PXDN: variants seen among roughly 807,000 people sequenced by gnomAD.
PXDN encodes peroxidasin, also known as peroxidasin homolog.
A neutral mutation model predicts 140.3 loss-of-function variants in PXDN; 77 were observed. The observed-to-expected ratio is 0.55, with a 90% CI of 0.46 to 0.66. PXDN has a LOEUF of 0.66. Among genes scored for constraint, PXDN ranks in the 30% least tolerant of loss-of-function variants. The probability of loss-of-function intolerance (pLI) is 0.00; values close to 1 mark genes in which losing one functional copy is unlikely to be tolerated. For synonymous variants in PXDN, 911 were observed against 857.4 expected, an observed-to-expected ratio of 1.06 and a Z score of -1.09; for missense variants, 1,838 against 2,039.5, an observed-to-expected ratio of 0.90 and a Z score of 1.90.
intron 17 of PXDN, among the ~76,000 whole-genome samples, chr2:1,646,572 C>T (rs1334258300): frequency 6.6e-6 from 1 of 152,172 alleles, no homozygotes; most frequent in Non-Finnish European, 1.5e-5. Flanking sequence ...AATACTGGAA[C>T]ATATTAAATT....
At chr2:1,652,770 C>T (rs2125414421) in intron 16 of PXDN, among the ~76,000 whole-genome samples, 1 of 152,330 alleles carries the variant, frequency 6.6e-6, no homozygotes, top group Middle Eastern at 3.4e-3. Flanking sequence ...TATCACCCTA[C>T]AGGTCTCAAT....
chr2:1,737,683 C>A (rs765617276), intron 1 of PXDN, among the ~76,000 whole-genome samples: 2 of 151,880 alleles, frequency 1.3e-5, no homozygotes, highest in African/African-American at 2.4e-5. Context: ...GAACTACAGG[C>A]GTGAGCCACC....
chr2:1,657,443 G>C (rs1011622237), intron 14 of PXDN, among the ~76,000 whole-genome samples: 1 of 151,156 alleles, frequency 6.6e-6, no homozygotes. Context: ...GCCGCCTCCT[G>C]TCAGGGACCT....
chr2:1,678,399 AC>A (rs1321548289), intron 7 of PXDN, among the ~76,000 whole-genome samples: 1 of 152,200 alleles, frequency 6.6e-6, no homozygotes, highest in Non-Finnish European at 1.5e-5. Context: ...ACACCCTAAA[AC>A]CCACCTAACT....
chr2:1,734,640 G>A lies in PXDN; in HGVS notation c.200+9616C>T, dbSNP rs529894791. Among the ~76,000 whole-genome samples, 295 of 152,236 alleles carry A rather than the reference G, an allele frequency of 1.9e-3. 1 individual carries two copies. The highest frequency in any genetic ancestry group is 4.4e-3 in the African/African-American group (181 of 41,558). On this transcript the variant is annotated intron_variant, in intron 1 of 22. Transcript: ENST00000252804. ...TCCCAGCACTTTGGGAGGCCAAGGC[G>A]GGCGGATCACGAGGTCAAGAGACTG... is the stretch of plus-strand genomic sequence containing the variant.
intron 8 of PXDN, among the ~76,000 whole-genome samples, chr2:1,674,409 T>C (rs10192984): frequency 0.35 from 53,800 of 152,008 alleles, 10,757 homozygotes; most frequent in African/African-American, 0.54. Context: ...AAGCTGCTGG[T>C]TGGCCTCCCT....
intron 1 of PXDN, among the ~76,000 whole-genome samples, chr2:1,716,149 G>A (rs541656474): frequency 6.6e-6 from 1 of 152,208 alleles, no homozygotes; most frequent in South Asian, 2.1e-4. Flanking sequence ...ATAAAACCAG[G>A]GTGGTGGGCC....
At position 1,649,744 on chromosome 2, in the gene PXDN, G is replaced by A; in HGVS notation, c.2105-69C>T. The A allele has an allele frequency of 3.2e-6, 5 of 1,549,186 alleles. No homozygotes were observed. Among genetic ancestry groups the A allele is most frequent in the Non-Finnish European group, 4.4e-6 (5 of 1,125,442 alleles). On this transcript the variant is annotated intron_variant, in intron 16 of 22. Transcript: ENST00000252804. This position sits in a 1 kb window ranked among gnomAD's most constrained non-coding sequence, Gnocchi z 7.1. ...GATGTGTGAGGGCCCGGTACCCCTT[G>A]GCACCTCTGCCGCTGACATGGGGCT...
At position 1,639,379 on chromosome 2, in the gene PXDN, G is replaced by A; in HGVS notation, c.3996C>T (p.Phe1332=). 6.2e-7 allele frequency: 1 copy of A among 1,614,028 alleles called. No individual in the cohort carries two copies. The highest frequency in any genetic ancestry group is 8.5e-7 in the Non-Finnish European group (1 of 1,179,874). The part of the protein sequence containing the change: ...RGQFNAFSYH[F]RGRRSLEFSY... ...TGAACTCAAGAGACCGTCTGCCTCG[G>A]AAATGATAGGAAAAGGCATTGAACT... Residue 1332 remains phenylalanine, a synonymous_variant, in exon 20 of 23, where the codon TTC becomes TTT. Transcript: ENST00000252804. This position sits in a 1 kb window ranked among gnomAD's most constrained non-coding sequence, Gnocchi z 5.0.
intron 19 of PXDN, among the ~76,000 whole-genome samples, chr2:1,642,524 C>T (rs572913539): frequency 3.3e-5 from 5 of 152,316 alleles, no homozygotes; most frequent in African/African-American, 4.8e-5. Flanking sequence ...TCACGCTCAC[C>T]GCAGGTCCCC....
chr2:1,711,459 T>C (rs1684776043), intron 1 of PXDN, among the ~76,000 whole-genome samples: 2 of 59,892 alleles, frequency 3.3e-5, no homozygotes, highest in African/African-American at 7.4e-5. Flanking sequence ...GCACCCACTC[T>C]CCACCAGCAC....
chr2:1,741,455 C>G (rs1685542927), intron 1 of PXDN, among the ~76,000 whole-genome samples: 1 of 152,136 alleles, frequency 6.6e-6, no homozygotes, highest in Non-Finnish European at 1.5e-5. Context: ...TTCCAGAGCT[C>G]CCTTCACACT....
intron 12 of PXDN, among the ~76,000 whole-genome samples, chr2:1,662,557 G>A (rs565968462): frequency 1.8e-4 from 28 of 152,334 alleles, no homozygotes; most frequent in African/African-American, 6.5e-4. Context: ...GGCCCACAGA[G>A]GATAACAAGC....
In PXDN at chr2:1,648,027, T is replaced by C. The variant is rs988414875; in HGVS notation, c.3608+145A>G. 2 of 1,211,830 alleles carry C rather than the reference T, an allele frequency of 1.7e-6. No homozygotes were observed. The highest frequency in any genetic ancestry group is 2.3e-6 in the Non-Finnish European group (2 of 862,610). 75.1% of individuals were successfully genotyped at this position (1,211,830 alleles called of 1,614,324 possible). A position where few individuals can be genotyped will look rare whatever the true frequency, so the allele number is the denominator to read the frequency against. On this transcript the variant is annotated intron_variant, in intron 17 of 22. Transcript: ENST00000252804. This position sits in a 1 kb window ranked among gnomAD's most constrained non-coding sequence, Gnocchi z 8.9. ...CCACGGGAGGCTGCAGGTTCCCATC[T>C]TGACCTTCATGGACTTGACCTTCAT...
At chr2:1,708,376 CCT>C (rs1346189502) in intron 1 of PXDN, among the ~76,000 whole-genome samples, 5 of 152,316 alleles carry the variant, frequency 3.3e-5, no homozygotes, top group South Asian at 2.1e-4. Flanking sequence ...GGAGTTTGCC[CCT>C]GAGGCCCCCT....
intron 13 of PXDN, 40 bp from the exon 14 acceptor site, chr2:1,661,077 C>G (rs1310403204): frequency 6.2e-7 from 1 of 1,610,180 alleles, no homozygotes; most frequent in Non-Finnish European, 8.5e-7. Flanking sequence ...AGAAATAAGA[C>G]TAAGAAGCAG....
At chr2:1,646,414 G>A (rs1682851739) in intron 17 of PXDN, among the ~76,000 whole-genome samples, 1 of 152,160 alleles carries the variant, frequency 6.6e-6, no homozygotes, top group South Asian at 2.1e-4. Flanking sequence ...GTTTGGACAA[G>A]AACAAAGGAG....
At chr2:1,657,007 C>T (rs1257128656) in intron 14 of PXDN, among the ~76,000 whole-genome samples, 1 of 150,562 alleles carries the variant, frequency 6.6e-6, no homozygotes, top group East Asian at 2.0e-4. Context: ...GAACTGCCCT[C>T]TCCTGACTAA....
chr2:1,741,059 A>G (rs889893998), intron 1 of PXDN, among the ~76,000 whole-genome samples: 1 of 152,100 alleles, frequency 6.6e-6, no homozygotes, highest in African/African-American at 2.4e-5. Context: ...ATCCATGACC[A>G]TAGCCTCAAC....
Sources: gnomAD v4.1 joint callset for allele counts (sites outside exome capture counted in the v4.1 genomes callset) on GRCh38, gnomAD v4.1.1 for gene constraint, Gnocchi (gnomAD v3.1) non-coding constraint, MANE v1.5 for transcripts, NCBI Gene and HGNC (gene_info 2026-07-23, HGNC 2026-07-21) for gene names.